The following TOX variants were observed in gnomAD, a reference collection of about 807,000 sequenced individuals.
TOX encodes the protein thymocyte selection associated high mobility group box, also known as thymocyte selection-associated high mobility group box protein TOX.
Under a neutral mutation model 53.7 loss-of-function variants are expected in TOX, and 11 were observed. The ratio of observed to expected loss-of-function variants is 0.20; its 90% confidence interval spans 0.13 to 0.34. The LOEUF (loss-of-function observed/expected upper bound fraction) is 0.34, where lower values mean the gene tolerates loss of function less well. TOX is among the 10% of genes least tolerant of loss of function. TOX has a pLI of 1.00. For missense variants in TOX, 570 were observed against 664.6 expected (o/e 0.86, Z 1.56); for synonymous variants, 225 against 245.3 (o/e 0.92, Z 0.77).
intron 2 of TOX, among the ~76,000 whole-genome samples, chr8:58,950,424 G>T (rs1031421069): frequency 7.2e-5 from 11 of 152,038 alleles, no homozygotes; most frequent in African/African-American, 2.7e-4. Flanking sequence ...CTCAATCAAG[G>T]GGTCCAGAAA....
At chr8:59,062,086 A>G (rs1009530756) in intron 1 of TOX, among the ~76,000 whole-genome samples, 1 of 152,042 alleles carries the variant, frequency 6.6e-6, no homozygotes, top group African/African-American at 2.4e-5. Context: ...CTGCCCCCAC[A>G]CCCAGGAGAT....
intron 1 of TOX, among the ~76,000 whole-genome samples, chr8:58,992,460 C>T (rs1813473459): frequency 6.6e-6 from 1 of 152,172 alleles, no homozygotes. Flanking sequence ...TTTAAAACCA[C>T]ATGCACGTTT....
intron 1 of TOX, among the ~76,000 whole-genome samples, chr8:59,090,422 C>A (rs951054620): frequency 1.3e-4 from 20 of 152,142 alleles, no homozygotes; most frequent in Non-Finnish European, 2.6e-4. Flanking sequence ...GAGGCGGACA[C>A]GGTGTGTGTC....
At chr8:58,931,515 A>C (rs796662051) in intron 3 of TOX, among the ~76,000 whole-genome samples, 8 of 152,214 alleles carry the variant, frequency 5.3e-5, no homozygotes, top group African/African-American at 1.9e-4. Context: ...AAATAGGCTA[A>C]AATTTCCTAT....
intron 1 of TOX, among the ~76,000 whole-genome samples, chr8:59,061,009 C>T (rs1162878721): frequency 1.3e-5 from 2 of 152,192 alleles, no homozygotes; most frequent in Non-Finnish European, 2.9e-5. Context: ...CCTTGTATCA[C>T]TCCCTACTCA....
chr8:58,986,392 A>C (rs1484258255), intron 1 of TOX, among the ~76,000 whole-genome samples: 1 of 152,220 alleles, frequency 6.6e-6, no homozygotes, highest in African/African-American at 2.4e-5. Flanking sequence ...ACGGAAAAGC[A>C]AGTAAGATTA....
chr8:59,057,467 T>G (rs141189788), intron 1 of TOX, among the ~76,000 whole-genome samples: 1 of 152,226 alleles, frequency 6.6e-6, no homozygotes, highest in East Asian at 1.9e-4. Flanking sequence ...CTGGAAACAA[T>G]AAGTATTAGT....
At chr8:58,891,199 A>G (rs187354215) in intron 3 of TOX, among the ~76,000 whole-genome samples, 1 of 152,314 alleles carries the variant, frequency 6.6e-6, no homozygotes, top group Admixed American at 6.5e-5. Flanking sequence ...TTAAGAAAAT[A>G]AAAGACCTAA....
At chr8:59,065,832 C>G (rs536717706) in intron 1 of TOX, among the ~76,000 whole-genome samples, 2 of 151,804 alleles carry the variant, frequency 1.3e-5, no homozygotes, top group Non-Finnish European at 2.9e-5. Flanking sequence ...ACATGAGAAC[C>G]AAAGTTCATG....
chr8:59,060,829 C>T (rs1001748470), intron 1 of TOX, among the ~76,000 whole-genome samples: 9 of 152,270 alleles, frequency 5.9e-5, no homozygotes, highest in Admixed American at 5.2e-4. Flanking sequence ...CTGACAGAGA[C>T]TGACTATACT....
In TOX at chr8:59,103,774, T is replaced by C. The variant is rs529987990; in HGVS notation, c.102+15112A>G. On this transcript the variant is annotated intron_variant, in intron 1 of 8. Coordinates refer to ENST00000361421, the MANE Select transcript of TOX (RefSeq NM_014729.3). Reference sequence around the variant, plus strand: ...TTAATATACTCTCCAAATTTACTAATAATATGTGTATTTACCACTAAGCAA... The same window carrying C: ...TTAATATACTCTCCAAATTTACTAACAATATGTGTATTTACCACTAAGCAA... 2.0e-5 allele frequency among the ~76,000 whole-genome samples: 3 copies of C among 152,334 alleles called. No homozygotes were observed. The South Asian group carries it at 6.2e-4, about 32-fold the overall frequency.
chr8:58,893,845 G>A (rs1811598400), intron 3 of TOX, among the ~76,000 whole-genome samples: 1 of 152,206 alleles, frequency 6.6e-6, no homozygotes, highest in South Asian at 2.1e-4. Flanking sequence ...AGATTGAAGT[G>A]TAAATGCATG....
intron 1 of TOX, among the ~76,000 whole-genome samples, chr8:59,015,555 A>G (rs911216732): frequency 6.6e-6 from 1 of 152,194 alleles, no homozygotes; most frequent in African/African-American, 2.4e-5. Flanking sequence ...TCTAGAACTG[A>G]TTTCATTTGC....
At chr8:58,808,335 A>C in intron 7 of TOX, 66 bp from the exon 8 acceptor site, 1 of 1,543,552 alleles carries the variant, frequency 6.5e-7, no homozygotes, top group Non-Finnish European at 8.7e-7. Flanking sequence ...GCACCTAAAT[A>C]TTTATTCATT....
At chr8:58,836,171 GCATTAAGGTGA>G (rs894615869) in intron 5 of TOX, among the ~76,000 whole-genome samples, 3 of 152,138 alleles carry the variant, frequency 2.0e-5, no homozygotes, top group African/African-American at 7.2e-5. Context: ...GAGCAGGGAG[GCATTAAGGTGA>G]CATTAAGGGA....
chr8:58,978,504 T>C (rs747086753), intron 1 of TOX, among the ~76,000 whole-genome samples: 1 of 152,236 alleles, frequency 6.6e-6, no homozygotes, highest in Non-Finnish European at 1.5e-5. Context: ...ATGTTTTAAG[T>C]ATTTAAACAC....
intron 1 of TOX, among the ~76,000 whole-genome samples, chr8:58,992,393 A>T (rs905355188): frequency 2.6e-5 from 4 of 152,004 alleles, no homozygotes; most frequent in African/African-American, 7.3e-5. Flanking sequence ...TTTTTTCCTT[A>T]TATAGGCACA....
intron 4 of TOX, among the ~76,000 whole-genome samples, chr8:58,841,823 A>T (rs1357952466): frequency 4.6e-5 from 7 of 152,224 alleles, no homozygotes; most frequent in African/African-American, 1.4e-4. Flanking sequence ...AAAAAGAGTA[A>T]TCCTCATATT....
chr8:58,910,922 C>T (rs543100835), intron 3 of TOX, among the ~76,000 whole-genome samples: 1 of 152,304 alleles, frequency 6.6e-6, no homozygotes, highest in Non-Finnish European at 1.5e-5. Context: ...TGAGCATCTA[C>T]AGAACATGCA....
Sources: allele counts gnomAD v4.1 joint callset (sites outside exome capture counted in the v4.1 genomes callset), GRCh38; gene constraint gnomAD v4.1.1; transcripts MANE v1.5; gene names NCBI Gene and HGNC (gene_info 2026-07-23, HGNC 2026-07-21).